GRIP1: variants seen among roughly 807,000 people sequenced by gnomAD.
GRIP1 encodes the protein glutamate receptor interacting protein 1, also known as glutamate receptor-interacting protein 1.
GRIP1 carries 45 observed loss-of-function variants against 129.9 expected under a neutral mutation model. The observed-to-expected ratio is 0.35, with a 90% CI of 0.27 to 0.44. The LOEUF is 0.44. Among genes scored for constraint, GRIP1 ranks in the 20% least tolerant of loss-of-function variants. GRIP1 has a pLI of 1.00. For missense variants in GRIP1, 1,196 were observed against 1,396.8 expected (o/e 0.86, Z 2.29); for synonymous variants, 530 against 520.8 (o/e 1.02, Z -0.24).
At chr12:66,768,596 T>C (rs2136707694) in intron 1 of GRIP1, among the ~76,000 whole-genome samples, 1 of 152,306 alleles carries the variant, frequency 6.6e-6, no homozygotes, top group Non-Finnish European at 1.5e-5. Context: ...CCTTTCTGAT[T>C]TTCCCAATGG....
At position 66,726,262 on chromosome 12, in the gene GRIP1, C is replaced by T. The variant is rs139772585; in HGVS notation, c.-420+77791G>A. On this transcript the variant is annotated intron_variant, in intron 1 of 4. Transcript: ENST00000538373. ...CAATATTGTAAGGCAGCAGGTCCAG[C>T]AATTTCTTCAAATGAATAAAGATCA... 2.5e-4 allele frequency among the ~76,000 whole-genome samples: 38 copies of T among 152,278 alleles called. No homozygotes were observed. In the East Asian group the frequency reaches 7.1e-3, roughly 29 times the overall value.
At chr12:66,929,318 C>T (rs1470005889) in intron 1 of GRIP1, among the ~76,000 whole-genome samples, 2 of 152,212 alleles carry the variant, frequency 1.3e-5, no homozygotes, top group East Asian at 3.8e-4. Flanking sequence ...ACCCTGACCA[C>T]CCTACCTAAC....
At chr12:66,372,892 G>A (rs1174229403) in intron 22 of GRIP1, among the ~76,000 whole-genome samples, 6 of 152,144 alleles carry the variant, frequency 3.9e-5, no homozygotes, top group African/African-American at 1.4e-4. Context: ...AGGTAAACTA[G>A]CATTGGTAAA....
At chr12:66,445,538 T>C (rs774732071) in intron 11 of GRIP1, 30 bp from the exon 12 acceptor site, 2 of 1,554,278 alleles carry the variant, frequency 1.3e-6, no homozygotes, top group South Asian at 1.1e-5. Context: ...ATACTGACTT[T>C]AGGTTGGAGC....
chr12:67,046,750 T>A (rs547772976), intron 1 of GRIP1, among the ~76,000 whole-genome samples: 1 of 152,220 alleles, frequency 6.6e-6, no homozygotes, highest in African/African-American at 2.4e-5. Context: ...AATTTACATG[T>A]AAGTATGGAA....
intron 1 of GRIP1, among the ~76,000 whole-genome samples, chr12:66,990,925 C>T (rs188356879): frequency 3.6e-4 from 54 of 149,614 alleles, no homozygotes; most frequent in African/African-American, 1.1e-3. Context: ...CGCGGTGAGC[C>T]GAGATAGCGC....
At chr12:66,779,924 A>G (rs2038102096) in intron 1 of GRIP1, among the ~76,000 whole-genome samples, 1 of 152,230 alleles carries the variant, frequency 6.6e-6, no homozygotes, top group African/African-American at 2.4e-5. Context: ...TATATTCAGG[A>G]AGTACATTCC....
intron 1 of GRIP1, among the ~76,000 whole-genome samples, chr12:67,000,173 T>C (rs1261991666): frequency 6.6e-6 from 1 of 152,130 alleles, no homozygotes; most frequent in Non-Finnish European, 1.5e-5. Context: ...CTTTCTCTTC[T>C]CAGGGTCTAG....
At chr12:66,915,529 C>T (rs2041106249) in intron 1 of GRIP1, among the ~76,000 whole-genome samples, 1 of 152,198 alleles carries the variant, frequency 6.6e-6, no homozygotes, top group Non-Finnish European at 1.5e-5. Flanking sequence ...TCTCAGCAGG[C>T]ATCAGACGTG....
chr12:66,796,873 C>T (rs749757127), intron 1 of GRIP1, among the ~76,000 whole-genome samples: 30 of 152,124 alleles, frequency 2.0e-4, no homozygotes, highest in Non-Finnish European at 5.9e-5. Context: ...TAGTCACAAT[C>T]TCATACTATT....
intron 11 of GRIP1, among the ~76,000 whole-genome samples, chr12:66,446,090 T>C (rs2058617041): frequency 9.1e-6 from 1 of 109,362 alleles, no homozygotes; most frequent in Admixed American, 8.1e-5. Context: ...TGTACATTCC[T>C]CCTGCCGCCC....
intron 15 of GRIP1, among the ~76,000 whole-genome samples, chr12:66,415,167 C>T (rs1161330481): frequency 1.3e-5 from 2 of 151,962 alleles, no homozygotes; most frequent in African/African-American, 4.8e-5. Flanking sequence ...TTATGCACAG[C>T]AAAAGAAACT....
At position 66,672,662 on chromosome 12, in the gene GRIP1, G is replaced by A. The variant is rs183297790; in HGVS notation, c.55+6188C>T. ...GAAACTAAAAGAGAGAAAAAGATGAGTTTCAAACACTGACGGCTTGCCTAT... is the reference window on the plus strand; with the variant it reads ...GAAACTAAAAGAGAGAAAAAGATGAATTTCAAACACTGACGGCTTGCCTAT... On this transcript the variant is annotated intron_variant, in intron 1 of 24. Transcript: ENST00000359742. 4.9e-3 allele frequency among the ~76,000 whole-genome samples: 747 copies of A among 152,138 alleles called. 3 individuals are homozygous for A. The highest frequency in any genetic ancestry group is 0.017 in the African/African-American group (707 of 41,506).
rs79723090 is a variant in GRIP1, at chr12:66,987,860, C to G, written c.58+81190G>C. Among the ~76,000 whole-genome samples the G allele has an allele frequency of 5.9e-5, 9 of 152,270 alleles. No homozygotes were observed. In the East Asian group the frequency reaches 1.5e-3, roughly 26 times the overall value. On this transcript the variant is annotated intron_variant, in intron 1 of 1. Transcript: ENST00000643019. ...ATCAACCAATGCTTTCAGGAATGCC[C>G]GGTCAACAGCACTACAAGAACACGT...
At position 66,655,158 on chromosome 12, in the gene GRIP1, G is replaced by A. The variant is rs1012344303; in HGVS notation, c.55+23692C>T. Among the ~76,000 whole-genome samples, 9 of 152,136 alleles carry A rather than the reference G, an allele frequency of 5.9e-5. No homozygotes were observed. The East Asian group carries it at 1.5e-3, about 26-fold the overall frequency. On this transcript the variant is annotated intron_variant, in intron 1 of 24. Coordinates refer to ENST00000359742, the MANE Select transcript of GRIP1 (RefSeq NM_001366722.1). ...ACTTCTCCAACTCATATCCCTCCAC[G>A]TTCCCCCAAGAGGCAACCACTATCC...
intron 1 of GRIP1, among the ~76,000 whole-genome samples, chr12:66,640,719 G>A (rs964017825): frequency 2.0e-5 from 3 of 152,124 alleles, no homozygotes; most frequent in Non-Finnish European, 4.4e-5. Flanking sequence ...AAAACTAAGA[G>A]AGAATTATTC....
chr12:66,726,979 C>T (rs191483897), intron 1 of GRIP1, among the ~76,000 whole-genome samples: 39 of 152,270 alleles, frequency 2.6e-4, no homozygotes, highest in South Asian at 6.2e-4. Flanking sequence ...CTGACCAAAT[C>T]ATTTATATTG....
intron 1 of GRIP1, among the ~76,000 whole-genome samples, chr12:66,770,338 T>G (rs549782967): frequency 6.6e-6 from 1 of 152,160 alleles, no homozygotes; most frequent in South Asian, 2.1e-4. Flanking sequence ...AATTCAAGAG[T>G]GCATGGACAG....
chr12:66,855,127 C>T (rs1277108874), intron 1 of GRIP1, among the ~76,000 whole-genome samples: 3 of 151,924 alleles, frequency 2.0e-5, no homozygotes, highest in African/African-American at 4.8e-5. Context: ...TCTCAAACTA[C>T]ATTACCAGGT....
Sources: allele counts gnomAD v4.1 joint callset (sites outside exome capture counted in the v4.1 genomes callset), GRCh38; gene constraint gnomAD v4.1.1; transcripts MANE v1.5; gene names NCBI Gene and HGNC (gene_info 2026-07-23, HGNC 2026-07-21).